The following CTNNA2 variants were observed in gnomAD, a reference collection of about 807,000 sequenced individuals.
CTNNA2 encodes the protein catenin alpha-2.
In CTNNA2, 42 loss-of-function variants were observed where a neutral mutation model predicts 101.0. The observed-to-expected ratio is 0.42, with a 90% CI of 0.32 to 0.54. The LOEUF (loss-of-function observed/expected upper bound fraction) is 0.54. CTNNA2 is among the 20% of genes least tolerant of loss of function. CTNNA2 has a pLI of 0.14. For missense variants in CTNNA2, 871 were observed against 1,223.1 expected, an observed-to-expected ratio of 0.71 and a Z score of 4.29; for synonymous variants, 450 against 456.4, an observed-to-expected ratio of 0.99 and a Z score of 0.18.
In CTNNA2 at chr2:80,545,093, GT is replaced by G. The variant is rs745538046; in HGVS notation, c.1383+22del. ...TCCCCAGGTAAGCCTCATTCACTTT[GT>G]TTCAAAAGCCTGTCAGTGACCTTCT... On this transcript the variant is annotated intron_variant, in intron 10 of 18. Transcript: ENST00000402739. The G allele has an allele frequency of 6.2e-7, 1 of 1,612,030 alleles. No homozygotes were observed. The highest frequency in any genetic ancestry group is 8.5e-7 in the Non-Finnish European group (1 of 1,178,962).
chr2:79,876,496 A>C (rs1455159776), intron 6 of CTNNA2, among the ~76,000 whole-genome samples: 2 of 152,184 alleles, frequency 1.3e-5, no homozygotes, highest in Non-Finnish European at 2.9e-5. Context: ...TCTAGTTATA[A>C]TTTATTTTAT....
chr2:80,635,258 A>G (rs1401583706), intron 18 of CTNNA2, among the ~76,000 whole-genome samples: 1 of 152,144 alleles, frequency 6.6e-6, no homozygotes, highest in African/African-American at 2.4e-5. Flanking sequence ...AAAAAAGAAA[A>G]TGATTTGGAG....
intron 7 of CTNNA2, among the ~76,000 whole-genome samples, chr2:80,059,752 G>C (rs1697452430): frequency 6.6e-6 from 1 of 152,138 alleles, no homozygotes; most frequent in Admixed American, 6.5e-5. Context: ...GCCCCACTCT[G>C]CTCTCCATCA....
At chr2:80,131,553 C>A (rs138754843) in intron 7 of CTNNA2, among the ~76,000 whole-genome samples, 84 of 152,224 alleles carry the variant, frequency 5.5e-4, no homozygotes, top group African/African-American at 1.9e-3. Flanking sequence ...TGCACTAGAA[C>A]CTAGAATGAG....
intron 7 of CTNNA2, among the ~76,000 whole-genome samples, chr2:80,286,954 G>T (rs1167802562): frequency 1.3e-5 from 2 of 152,108 alleles, no homozygotes; most frequent in African/African-American, 2.4e-5. Context: ...CAAATTAGTT[G>T]TCCCCTGACC....
chr2:80,615,884 G>A (rs376277601), intron 17 of CTNNA2, among the ~76,000 whole-genome samples: 5 of 151,588 alleles, frequency 3.3e-5, no homozygotes, highest in Admixed American at 1.3e-4. Context: ...TTACTGCATC[G>A]GAACACATTG....
At chr2:79,605,725 A>G (rs1385216401) in intron 1 of CTNNA2, among the ~76,000 whole-genome samples, 1 of 151,970 alleles carries the variant, frequency 6.6e-6, no homozygotes, top group Non-Finnish European at 1.5e-5. Context: ...GCAACATTGT[A>G]AGACACCATC....
intron 3 of CTNNA2, among the ~76,000 whole-genome samples, chr2:79,751,039 A>G (rs553893200): frequency 4.6e-5 from 7 of 152,314 alleles, no homozygotes; most frequent in Admixed American, 1.3e-4. Context: ...AGTCAAATGT[A>G]TAGGGCAGTT....
chr2:80,334,035 C>A (rs576575390), intron 7 of CTNNA2, among the ~76,000 whole-genome samples: 2 of 152,314 alleles, frequency 1.3e-5, no homozygotes, highest in African/African-American at 4.8e-5. Flanking sequence ...GCCCATGTGG[C>A]CAACTGTGGC....
chr2:79,334,623 A>G (rs141967939), intron 3 of CTNNA2, among the ~76,000 whole-genome samples: 10 of 152,278 alleles, frequency 6.6e-5, no homozygotes, highest in Non-Finnish European at 1.3e-4. Context: ...TAAAAAAAGG[A>G]TGGAGGGAGG....
chr2:80,394,111 A>G (rs1036819691), intron 8 of CTNNA2, among the ~76,000 whole-genome samples: 1 of 152,220 alleles, frequency 6.6e-6, no homozygotes, highest in African/African-American at 2.4e-5. Context: ...GTTGACTGTG[A>G]CAGCCAGCTA....
intron 2 of CTNNA2, among the ~76,000 whole-genome samples, chr2:79,239,535 A>C (rs1396392603): frequency 4.6e-5 from 7 of 152,108 alleles, no homozygotes; most frequent in Middle Eastern, 3.2e-3. Context: ...ACAACAACAA[A>C]AAAAATTAAC....
intron 7 of CTNNA2, among the ~76,000 whole-genome samples, chr2:80,043,087 CTT>C (rs1173407899): frequency 3.4e-4 from 6 of 17,410 alleles, no homozygotes; most frequent in Non-Finnish European, 6.2e-4. Flanking sequence ...TTCTTTCTTT[CTT>C]TCTTTCTCTC....
intron 8 of CTNNA2, among the ~76,000 whole-genome samples, chr2:80,418,012 C>T (rs1261650850): frequency 6.6e-6 from 1 of 152,074 alleles, no homozygotes; most frequent in African/African-American, 2.4e-5. Context: ...TCTTATCTCC[C>T]CTACTTTATC....
At chr2:80,086,043 G>A (rs1274245747) in intron 7 of CTNNA2, among the ~76,000 whole-genome samples, 2 of 152,014 alleles carry the variant, frequency 1.3e-5, no homozygotes, top group Non-Finnish European at 2.9e-5. Flanking sequence ...CTTGAAATCA[G>A]TGATTCTAAA....
At chr2:80,189,807 A>G (rs949299114) in intron 7 of CTNNA2, among the ~76,000 whole-genome samples, 6 of 152,128 alleles carry the variant, frequency 3.9e-5, no homozygotes, top group African/African-American at 1.4e-4. Flanking sequence ...ATATTTCCCC[A>G]TAAGAAAATG....
chr2:80,207,324 G>A (rs1707595809), intron 7 of CTNNA2, among the ~76,000 whole-genome samples: 1 of 152,168 alleles, frequency 6.6e-6, no homozygotes, highest in Non-Finnish European at 1.5e-5. Context: ...GCTATATTGA[G>A]CCTAGCAGGG....
intron 7 of CTNNA2, among the ~76,000 whole-genome samples, chr2:80,386,892 T>C (rs1236760760): frequency 1.3e-5 from 2 of 151,902 alleles, no homozygotes; most frequent in Admixed American, 6.5e-5. Flanking sequence ...CCCTGAAACA[T>C]GGTTGATGTG....
intron 2 of CTNNA2, among the ~76,000 whole-genome samples, chr2:79,681,167 A>C (rs1050257739): frequency 3.3e-5 from 5 of 152,128 alleles, no homozygotes; most frequent in African/African-American, 1.2e-4. Context: ...ATACACACAC[A>C]AAAAGCAAGT....
Sources: gnomAD v4.1 joint callset for allele counts (sites outside exome capture counted in the v4.1 genomes callset) on GRCh38, gnomAD v4.1.1 for gene constraint, MANE v1.5 for transcripts, NCBI Gene and HGNC (gene_info 2026-07-23, HGNC 2026-07-21) for gene names.